The following TTC39B variants were observed in gnomAD, a reference collection of about 807,000 sequenced individuals.
The protein encoded by TTC39B is tetratricopeptide repeat domain 39B, also known as tetratricopeptide repeat protein 39B.
In TTC39B, 92 loss-of-function variants were observed where a neutral mutation model predicts 96.6. The observed-to-expected ratio is 0.95, with a 90% CI of 0.80 to 1.13. The LOEUF (loss-of-function observed/expected upper bound fraction) is 1.13. Among genes scored for constraint, TTC39B ranks in the 50% most tolerant of loss-of-function variants. The pLI is 0.00. For missense variants in TTC39B, 955 were observed against 809.3 expected, an observed-to-expected ratio of 1.18 and a Z score of -2.18; for synonymous variants, 367 against 299.4, an observed-to-expected ratio of 1.23 and a Z score of -2.33.
At chr9:15,287,927 C>G (rs1420901357) in intron 1 of TTC39B, among the ~76,000 whole-genome samples, 2 of 113,746 alleles carry the variant, frequency 1.8e-5, no homozygotes, top group East Asian at 5.4e-4. Flanking sequence ...GCCTGGGCGA[C>G]AGGGCGAGAC....
In TTC39B at chr9:15,234,890, T is replaced by TGCGGAAG. The variant is rs1262112604; in HGVS notation, c.276-8885_276-8879dup. 3.3e-5 allele frequency among the ~76,000 whole-genome samples: 5 copies of TGCGGAAG among 152,074 alleles called. No individual in the cohort carries two copies. The East Asian group carries it at 9.7e-4, about 29-fold the overall frequency. ...CTTAAGTACCCAGGGACACAAACAC[T>TGCGGAAG]GCGGAAGGCCGCAGGGTCCTCTGCC... On this transcript the variant is annotated intron_variant, in intron 2 of 19. Transcript: ENST00000512701.
intron 1 of TTC39B, among the ~76,000 whole-genome samples, chr9:15,300,836 G>A (rs1252945949): frequency 7.8e-6 from 1 of 128,326 alleles, no homozygotes; most frequent in Non-Finnish European, 1.6e-5. Context: ...AGGTTGCAGT[G>A]AGCCGAGATC....
At chr9:15,257,161 A>T (rs1822781083) in intron 2 of TTC39B, among the ~76,000 whole-genome samples, 1 of 152,248 alleles carries the variant, frequency 6.6e-6, no homozygotes, top group Admixed American at 6.5e-5. Context: ...GATGTCATAT[A>T]AAGCATACAG....
chr9:15,233,965 C>T (rs1034718510), intron 2 of TTC39B, among the ~76,000 whole-genome samples: 6 of 150,164 alleles, frequency 4.0e-5, no homozygotes, highest in African/African-American at 1.5e-4. Context: ...GTCTCTGCCC[C>T]GCCGCCCATC....
intron 6 of TTC39B, among the ~76,000 whole-genome samples, chr9:15,204,487 C>T (rs1819732409): frequency 1.3e-5 from 2 of 151,846 alleles, no homozygotes; most frequent in African/African-American, 4.8e-5. Flanking sequence ...CGAGATTGCG[C>T]CATTGCACTC....
At chr9:15,166,681 G>T (rs1397390397) in exon 20 of TTC39B, 4 of 151,772 alleles carry the variant, frequency 2.6e-5, no homozygotes, top group Non-Finnish European at 5.9e-5. Context: ...ACCAACAATA[G>T]GCAGCAGAAA....
intron 1 of TTC39B, among the ~76,000 whole-genome samples, chr9:15,303,242 T>C (rs1824656601): frequency 6.6e-6 from 1 of 152,232 alleles, no homozygotes; most frequent in Non-Finnish European, 1.5e-5. Flanking sequence ...TTAAATATAA[T>C]GCATCAAATT....
intron 1 of TTC39B, among the ~76,000 whole-genome samples, chr9:15,290,844 C>G (rs1824160800): frequency 6.6e-6 from 1 of 152,208 alleles, no homozygotes; most frequent in Non-Finnish European, 1.5e-5. Context: ...GGAAAATGCA[C>G]AGGGCACAGA....
intron 2 of TTC39B, chr9:15,248,908 A>C (rs1045995808): frequency 6.6e-6 from 1 of 152,172 alleles, no homozygotes; most frequent in Non-Finnish European, 1.5e-5. Context: ...TGCATCTACA[A>C]CGATGACTGT....
At chr9:15,182,529 T>C (rs1818302557) in intron 16 of TTC39B, 114 bp from the exon 17 acceptor site, 4 of 598,802 alleles carry the variant, frequency 6.7e-6, no homozygotes, top group South Asian at 5.5e-5. Flanking sequence ...CTCAGGACAA[T>C]ATTTACAGAT....
chr9:15,299,424 C>G (rs1333473729), intron 1 of TTC39B, among the ~76,000 whole-genome samples: 1 of 152,102 alleles, frequency 6.6e-6, no homozygotes, highest in African/African-American at 2.4e-5. Context: ...TCAGAAGTCC[C>G]TTTAGAGAGG....
chr9:15,297,952 G>A lies in TTC39B; in HGVS notation c.240+9132C>T, dbSNP rs185334838. On this transcript the variant is annotated intron_variant, in intron 1 of 19. Coordinates refer to ENST00000512701, the Ensembl canonical transcript of TTC39B. ...AGGTAAAGATTTTATTTATGGGTATGTCTGGGAGAGTGTTTCCAGAAGAGA... is the reference window on the plus strand; with the variant it reads ...AGGTAAAGATTTTATTTATGGGTATATCTGGGAGAGTGTTTCCAGAAGAGA... Among the ~76,000 whole-genome samples, 3 of 152,290 alleles carry A rather than the reference G, an allele frequency of 2.0e-5. No individual in the cohort carries two copies. In the East Asian group the frequency reaches 5.8e-4, roughly 29 times the overall value.
At chr9:15,267,653 G>T (rs1047617394) in intron 2 of TTC39B, among the ~76,000 whole-genome samples, 2 of 152,126 alleles carry the variant, frequency 1.3e-5, no homozygotes, top group Non-Finnish European at 1.5e-5. Flanking sequence ...ACTATTAAAA[G>T]AGTTAGCTAT....
At chr9:15,253,084 T>C (rs1822622157) in intron 2 of TTC39B, among the ~76,000 whole-genome samples, 1 of 152,206 alleles carries the variant, frequency 6.6e-6, no homozygotes, top group South Asian at 2.1e-4. Context: ...CATATGTGTA[T>C]CGTTCCACCC....
Position 15,282,963 on chromosome 9 carries a change from C to T in TTC39B, c.241-15015G>A, listed in dbSNP as rs533273857. Among the ~76,000 whole-genome samples, 3 of 152,320 alleles carry T rather than the reference C, an allele frequency of 2.0e-5. No individual in the cohort carries two copies. The East Asian group carries it at 5.8e-4, about 29-fold the overall frequency. On this transcript the variant is annotated intron_variant, in intron 1 of 19. Coordinates refer to ENST00000512701, the Ensembl canonical transcript of TTC39B. Reference sequence around the variant, plus strand: ...TTCATCAAACTGAGCCAGAGCTGTACAGACACTGTAACTTTTCTTCACACC... The same window carrying T: ...TTCATCAAACTGAGCCAGAGCTGTATAGACACTGTAACTTTTCTTCACACC...
chr9:15,174,148 T>C (rs751268733), intron 19 of TTC39B, among the ~76,000 whole-genome samples: 1 of 152,202 alleles, frequency 6.6e-6, no homozygotes, highest in African/African-American at 2.4e-5. Context: ...ATATTATAAA[T>C]CTCAGCAAAC....
chr9:15,215,942 C>T lies in TTC39B; in HGVS notation c.372-1693G>A, dbSNP rs982470895. Among the ~76,000 whole-genome samples the T allele has an allele frequency of 5.3e-5, 8 of 152,154 alleles. No homozygotes were observed. The East Asian group carries it at 1.5e-3, about 29-fold the overall frequency. ...AGTATTTGAAGTTGAGCTTCCATCC[C>T]ACCAACCTCTTCAATTTCATTCTTT... On this transcript the variant is annotated intron_variant, in intron 3 of 19. Transcript: ENST00000512701.
At chr9:15,163,781 G>A (rs1186387724) in exon 20 of TTC39B, 1 of 152,110 alleles carries the variant, frequency 6.6e-6, no homozygotes, top group Non-Finnish European at 1.5e-5. Flanking sequence ...AATAAAATGT[G>A]TTGACTTTCA....
chr9:15,177,604 A>C, intron 18 of TTC39B, 93 bp downstream of exon 18: 3 of 791,642 alleles, frequency 3.8e-6, no homozygotes, highest in Non-Finnish European at 6.3e-6. Context: ...AGAGTTTAGC[A>C]GTAAGAGATA....
Sources: gnomAD v4.1 joint callset for allele counts (sites outside exome capture counted in the v4.1 genomes callset) on GRCh38, gnomAD v4.1.1 for gene constraint, MANE v1.5 for transcripts, NCBI Gene and HGNC (gene_info 2026-07-23, HGNC 2026-07-21) for gene names.